The following PRIM2 variants were observed in gnomAD, a reference collection of about 807,000 sequenced individuals.
The protein encoded by PRIM2 is DNA primase subunit 2, also known as DNA primase large subunit.
A neutral mutation model predicts 67.3 loss-of-function variants in PRIM2; 39 were observed. The ratio of observed to expected loss-of-function variants is 0.58; its 90% CI spans 0.45 to 0.76. PRIM2 has a LOEUF of 0.76. PRIM2 is among the 30% of genes least tolerant of loss of function. The pLI, the probability that PRIM2 is intolerant of heterozygous loss-of-function variation, is 0.00. For synonymous variants in PRIM2, 143 were observed against 198.7 expected, an observed-to-expected ratio of 0.72 and a Z score of 2.36; for missense variants, 398 against 598.7, an observed-to-expected ratio of 0.66 and a Z score of 3.50.
intron 7 of PRIM2, among the ~76,000 whole-genome samples, chr6:57,495,749 TG>T (rs1411952641): frequency 6.6e-6 from 1 of 152,174 alleles, no homozygotes; most frequent in Non-Finnish European, 1.5e-5. Flanking sequence ...TGTTTCGTTT[TG>T]TTTTTGTTTT....
intron 5 of PRIM2, among the ~76,000 whole-genome samples, chr6:57,373,086 A>G (rs1048996866): frequency 1.3e-5 from 2 of 152,202 alleles, no homozygotes; most frequent in African/African-American, 4.8e-5. Flanking sequence ...CCAGCAGTGT[A>G]AAAGCATTCC....
At chr6:57,418,559 G>C (rs1281216557) in intron 7 of PRIM2, among the ~76,000 whole-genome samples, 4 of 150,196 alleles carry the variant, frequency 2.7e-5, no homozygotes, top group African/African-American at 5.0e-5. Context: ...ACCACGCCCA[G>C]CTAATTTTTT....
chr6:57,479,426 G>C (rs1245151901), intron 7 of PRIM2, among the ~76,000 whole-genome samples: 4 of 152,106 alleles, frequency 2.6e-5, no homozygotes, highest in Non-Finnish European at 5.9e-5. Context: ...CAGGTACACT[G>C]CTTTTATTCA....
At chr6:57,259,648 G>C in the PRIM2 span, among the ~76,000 whole-genome samples, 1 of 152,172 alleles carries the variant, frequency 6.6e-6, no homozygotes, top group African/African-American at 2.4e-5. Context: ...CCTTTGTGGG[G>C]TGTAGTGGAT....
At chr6:57,419,733 T>G (rs1936985466) in intron 7 of PRIM2, among the ~76,000 whole-genome samples, 1 of 152,186 alleles carries the variant, frequency 6.6e-6, no homozygotes, top group African/African-American at 2.4e-5. Context: ...CATTCATATT[T>G]AACCCTCGGT....
At chr6:57,454,778 T>C (rs1772699683) in intron 7 of PRIM2, among the ~76,000 whole-genome samples, 1 of 152,236 alleles carries the variant, frequency 6.6e-6, no homozygotes, top group Non-Finnish European at 1.5e-5. Context: ...TTTGTGTCTC[T>C]ATTTCCTTCA....
intron 8 of PRIM2, among the ~76,000 whole-genome samples, chr6:57,525,631 G>A (rs1554349293): frequency 7.3e-4 from 111 of 152,246 alleles, no homozygotes; most frequent in African/African-American, 2.6e-3. Context: ...AACATTCTAG[G>A]ATCCTGTAGT....
intron 5 of PRIM2, among the ~76,000 whole-genome samples, chr6:57,378,662 C>T (rs1280436446): frequency 2.0e-5 from 3 of 151,950 alleles, no homozygotes; most frequent in Non-Finnish European, 4.4e-5. Flanking sequence ...AATCAGGTAC[C>T]GCCTTAAAAC....
chr6:57,287,027 T>G, the PRIM2 span, among the ~76,000 whole-genome samples: 1 of 152,204 alleles, frequency 6.6e-6, no homozygotes, highest in Non-Finnish European at 1.5e-5. Context: ...TCACTGGCCA[T>G]TAGAGAAATG....
chr6:57,524,513 C>A (rs1342656892), intron 8 of PRIM2, among the ~76,000 whole-genome samples: 1 of 152,064 alleles, frequency 6.6e-6, no homozygotes, highest in Non-Finnish European at 1.5e-5. Context: ...ACCAACCTGA[C>A]CAACATGGAG....
chr6:57,314,753 T>C (rs1767448173), upstream of PRIM2: 1 of 152,238 alleles, frequency 6.6e-6, no homozygotes, highest in African/African-American at 2.4e-5. Flanking sequence ...GGCTGAGCAT[T>C]GTGTCAATCA....
chr6:57,486,809 T>G (rs1255864306), intron 7 of PRIM2, among the ~76,000 whole-genome samples: 1 of 152,262 alleles, frequency 6.6e-6, no homozygotes, highest in Non-Finnish European at 1.5e-5. Flanking sequence ...GATGGATGTC[T>G]GGGGAAAATG....
intron 7 of PRIM2, among the ~76,000 whole-genome samples, chr6:57,422,180 A>G (rs1293152667): frequency 9.2e-5 from 2 of 21,676 alleles, no homozygotes; most frequent in South Asian, 2.5e-3. Flanking sequence ...TTTGAGATGG[A>G]GTCTCTCTCA....
chr6:57,528,922 G>A (rs1774823804), intron 8 of PRIM2, among the ~76,000 whole-genome samples: 1 of 152,130 alleles, frequency 6.6e-6, no homozygotes, highest in African/African-American at 2.4e-5. Flanking sequence ...TGTTAATTAG[G>A]CAGGGCTGGC....
chr6:57,434,432 TA>T (rs919902975), intron 7 of PRIM2, among the ~76,000 whole-genome samples: 11 of 149,540 alleles, frequency 7.4e-5, no homozygotes, highest in African/African-American at 2.5e-4. Context: ...ATTAAAGCCT[TA>T]AAAAAAAAAT....
chr6:57,326,523 C>T (rs974519570), intron 5 of PRIM2, among the ~76,000 whole-genome samples: 4 of 152,034 alleles, frequency 2.6e-5, no homozygotes, highest in Non-Finnish European at 5.9e-5. Context: ...AAGTGCGAGA[C>T]CATCTTGACC....
chr6:57,244,912 A>T, the PRIM2 span, among the ~76,000 whole-genome samples: 1 of 152,170 alleles, frequency 6.6e-6, no homozygotes, highest in Non-Finnish European at 1.5e-5. Context: ...TAATTATGGA[A>T]CACGTTTGCT....
intron 8 of PRIM2, among the ~76,000 whole-genome samples, chr6:57,531,901 G>A (rs1774899294): frequency 6.6e-6 from 1 of 152,082 alleles, no homozygotes; most frequent in Admixed American, 6.5e-5. Flanking sequence ...AACAGTGATT[G>A]CTTTATGTCA....
chr6:57,343,657 A>G (rs932066502), intron 5 of PRIM2, among the ~76,000 whole-genome samples: 1 of 152,200 alleles, frequency 6.6e-6, no homozygotes, highest in African/African-American at 2.4e-5. Flanking sequence ...AGAAGAGTGA[A>G]GTGGGATGGT....
Sources: allele counts gnomAD v4.1 joint callset (sites outside exome capture counted in the v4.1 genomes callset), GRCh38; gene constraint gnomAD v4.1.1; transcripts MANE v1.5; gene names NCBI Gene and HGNC (gene_info 2026-07-23, HGNC 2026-07-21).